ZZEF1: variants seen among roughly 807,000 people sequenced by gnomAD.
ZZEF1 encodes the protein zinc finger ZZ-type and EF-hand domain containing 1, also known as zinc finger ZZ-type and EF-hand domain-containing protein 1.
In ZZEF1, 157 loss-of-function variants were observed where a neutral mutation model predicts 342.8. That is an observed-to-expected ratio of 0.46 (90% CI 0.40 to 0.52). ZZEF1 has a LOEUF of 0.52. Ranked by LOEUF, ZZEF1 falls within the 20% of genes least tolerant of loss-of-function variation. ZZEF1 has a pLI of 0.00. For synonymous variants in ZZEF1, 1,505 were observed against 1,429.1 expected (o/e 1.05, Z -1.20); for missense variants, 3,480 against 3,725.6 (o/e 0.93, Z 1.72).
chr17:4,142,740 C>T lies in ZZEF1; in HGVS notation c.156G>A (p.Glu52=), dbSNP rs751858422. 37 of 1,517,110 alleles carry T rather than the reference C, an allele frequency of 2.4e-5. No homozygotes were observed. In the African/African-American group the frequency reaches 3.2e-4, roughly 13 times the overall value. 94.0% of individuals were successfully genotyped at this position (1,517,110 alleles called of 1,614,324 possible). A position where few individuals can be genotyped will look rare whatever the true frequency, so the allele number is the denominator to read the frequency against. Residue 52 remains glutamate (E), a synonymous_variant, in exon 1 of 55, where the codon GAG becomes GAA. Coordinates refer to ENST00000381638, the MANE Select transcript of ZZEF1 (RefSeq NM_015113.4). ...PALPPAAALL[E]PARLREAAAA... ...CAGCAGCCTCTCGCAGCCTGGCCGG[C>T]TCCAGCAGCGCCGCGGCGGGTGGTA... is the stretch of plus-strand genomic sequence containing the variant.
intron 1 of ZZEF1, among the ~76,000 whole-genome samples, chr17:4,138,035 G>A (rs1179202380): frequency 6.6e-6 from 1 of 152,174 alleles, no homozygotes; most frequent in African/African-American, 2.4e-5. Context: ...AACAAAGCAG[G>A]CATCCCACTA....
Position 4,008,964 on chromosome 17 carries a change from G to C in ZZEF1, c.8734-10C>G, listed in dbSNP as rs1279399342. 1.9e-6 allele frequency: 3 copies of C among 1,539,416 alleles called. No homozygotes were observed. In the East Asian group the frequency reaches 7.3e-5, roughly 38 times the overall value. ...GCAGCACGCCAAGCTCCTGCAGAGA[G>C]AGAGCAGGGGCTGTGAGTGACAGCG... is the stretch of plus-strand genomic sequence containing the variant. On this transcript the variant is annotated splice_polypyrimidine_tract_variant and intron_variant, in intron 53 of 54. Transcript: ENST00000381638. This position sits in a 1 kb window ranked among gnomAD's most constrained non-coding sequence, Gnocchi z 4.2.
chr17:4,097,503 A>G (rs1247776621), intron 9 of ZZEF1, among the ~76,000 whole-genome samples: 2 of 147,012 alleles, frequency 1.4e-5, no homozygotes, highest in African/African-American at 2.5e-5. Flanking sequence ...AAAAAAAAAG[A>G]ATCACTGGGT....
At chr17:4,049,614 C>T (rs543312509) in intron 37 of ZZEF1, 94 bp downstream of exon 37, 7 of 1,465,612 alleles carry the variant, frequency 4.8e-6, no homozygotes, top group Non-Finnish European at 6.5e-6. Context: ...GGTTAGGAGT[C>T]TGTGCTCTTA....
At position 4,066,652 on chromosome 17, in the gene ZZEF1, T is replaced by A. The variant is rs572612294; in HGVS notation, c.4156-112A>T. On this transcript the variant is annotated intron_variant, in intron 27 of 54. Coordinates refer to ENST00000381638, the MANE Select transcript of ZZEF1 (RefSeq NM_015113.4). ...ACTGACACCACAGAGTACTTCACAG[T>A]TGTATCATTTAGAGGGGTTTGTAAT... 1.2e-4 allele frequency: 108 copies of A among 889,618 alleles called. 1 individual carries two copies. In the South Asian group the frequency reaches 1.5e-3, roughly 12 times the overall value. The allele number at this position is 889,618 out of a possible 1,614,324, so 55.1% of individuals were successfully genotyped here.
At chr17:4,141,073 T>C (rs926375266) in intron 1 of ZZEF1, among the ~76,000 whole-genome samples, 2 of 152,058 alleles carry the variant, frequency 1.3e-5, no homozygotes, top group Non-Finnish European at 2.9e-5. Flanking sequence ...CATGCCCAGC[T>C]AATTTTTGTA....
intron 44 of ZZEF1, among the ~76,000 whole-genome samples, chr17:4,021,920 T>C (rs1483092593): frequency 1.3e-5 from 2 of 151,246 alleles, no homozygotes; most frequent in African/African-American, 4.8e-5. Flanking sequence ...GTTTGGAATA[T>C]AGAGTTTGGA....
In ZZEF1 at chr17:4,038,597, G is replaced by A. The variant is rs572186383; in HGVS notation, c.6306+3832C>T. The stretch of plus-strand genomic sequence containing the variant: ...AGGTGGGTGGATCACTGGAGGCCAG[G>A]AGTTCAAGACCAGCCTGGCCAACAT... On this transcript the variant is annotated intron_variant, in intron 39 of 54. Transcript: ENST00000381638. Among the ~76,000 whole-genome samples, 6 of 152,154 alleles carry A rather than the reference G, an allele frequency of 3.9e-5. No individual in the cohort carries two copies. In the South Asian group the frequency reaches 1.2e-3, roughly 32 times the overall value.
At chr17:4,047,376 G>T (rs960585350) in intron 37 of ZZEF1, among the ~76,000 whole-genome samples, 5 of 152,220 alleles carry the variant, frequency 3.3e-5, no homozygotes, top group Non-Finnish European at 7.3e-5. Flanking sequence ...CAGGCACAGT[G>T]GCTCAGGCCT....
At position 4,020,602 on chromosome 17, in the gene ZZEF1, G is replaced by A. The variant is rs1226189572; in HGVS notation, c.7404+527C>T. Reference sequence around the variant, plus strand: ...TCCTCCTGCCTCAGCCTCCCAAAGTGCTGGGATTACTAGTGTGAGCCACTG... The same window carrying A: ...TCCTCCTGCCTCAGCCTCCCAAAGTACTGGGATTACTAGTGTGAGCCACTG... On this transcript the variant is annotated intron_variant, in intron 45 of 54. Coordinates refer to ENST00000381638, the MANE Select transcript of ZZEF1 (RefSeq NM_015113.4). Among the ~76,000 whole-genome samples the A allele has an allele frequency of 2.0e-5, 3 of 152,344 alleles. No homozygotes were observed. The East Asian group carries it at 5.8e-4, about 29-fold the overall frequency.
chr17:4,072,792 T>C, intron 24 of ZZEF1, 36 bp from the exon 25 acceptor site: 2 of 1,554,078 alleles, frequency 1.3e-6, no homozygotes, highest in Non-Finnish European at 8.7e-7. Context: ...AGTTCTATTT[T>C]TGCCTTAATA....
chr17:4,095,906 G>A lies in ZZEF1; in HGVS notation c.1838C>T (p.Ala613Val), dbSNP rs759910798. Residue 613 changes from alanine (A) to valine (V), a missense_variant, in exon 11 of 55, where the codon GCG becomes GTG. Ala to Val is a moderately conservative substitution (Grantham distance 64, BLOSUM62 0). This residue lies in a region of ZZEF1 where 1,528 missense variants were observed against 1,624.1 expected (regional missense o/e 0.94). Coordinates refer to ENST00000381638, the MANE Select transcript of ZZEF1 (RefSeq NM_015113.4). ...AYNSSSDKFCAEEHFKRFEKY... is the reference protein window; with the variant it reads ...AYNSSSDKFCVEEHFKRFEKY... The stretch of plus-strand genomic sequence containing the variant: ...TTCAAACCTTTTGAAGTGTTCTTCC[G>A]CACAAAATTTATCTGAAGATGAGTT... 1.7e-4 allele frequency: 275 copies of A among 1,612,976 alleles called. 1 individual carries two copies. Among genetic ancestry groups the A allele is most frequent in the Non-Finnish European group, 2.2e-4 (263 of 1,179,484 alleles).
chr17:4,087,317 G>T (rs1046727214), intron 14 of ZZEF1, 117 bp downstream of exon 14: 2 of 690,432 alleles, frequency 2.9e-6, no homozygotes, highest in Non-Finnish European at 4.8e-6. Context: ...ATTTTAAATC[G>T]AACCATAAAC....
In ZZEF1 at chr17:4,064,819, GC is replaced by G; in HGVS notation, c.4259del (p.Cys1420SerfsTer9). 1 of 1,548,360 alleles carries G rather than the reference GC, an allele frequency of 6.5e-7. No individual in the cohort carries two copies. The highest frequency in any genetic ancestry group is 8.7e-7 in the Non-Finnish European group (1 of 1,145,604). ...TTAGTAATAGAAGACTCTTCTCAATGCACTCTTTTGCTAGATGCAAACAAGA... is the reference window on the plus strand; with the variant it reads ...TTAGTAATAGAAGACTCTTCTCAATGACTCTTTTGCTAGATGCAAACAAGA... Reference protein sequence around the residue: ...EVNPESLAKECIEKSLLLLKF... With the variant: ...EVNPESLAKEXIEKSLLLLKF... On this transcript the variant is annotated frameshift_variant, in exon 29 of 55. Transcript: ENST00000381638. LOFTEE classifies it high-confidence loss of function.
At chr17:4,041,482 C>T (rs748937341) in intron 39 of ZZEF1, among the ~76,000 whole-genome samples, 8 of 152,120 alleles carry the variant, frequency 5.3e-5, no homozygotes, top group Non-Finnish European at 1.2e-4. Flanking sequence ...CCCGCGGGCA[C>T]CGTCCCTTCC....
chr17:4,096,830 G>C (rs914891346), intron 9 of ZZEF1, 130 bp from the exon 10 acceptor site: 8 of 716,630 alleles, frequency 1.1e-5, no homozygotes, highest in African/African-American at 1.1e-4. Flanking sequence ...ACGAAAATTA[G>C]AGAAAAATGT....
At chr17:4,036,081 AAAAAAAAAAAAAAAGAGTC>A (rs1219953256) in intron 39 of ZZEF1, among the ~76,000 whole-genome samples, 1 of 150,314 alleles carries the variant, frequency 6.7e-6, no homozygotes, top group African/African-American at 2.4e-5. Context: ...GCCTGTCCAA[AAAAAAAAAAAAAAAGAGTC>A]GAAACAAGGA....
At chr17:4,122,381 C>CTT (rs778829771) in intron 2 of ZZEF1, among the ~76,000 whole-genome samples, 2 of 145,146 alleles carry the variant, frequency 1.4e-5, no homozygotes, top group South Asian at 2.2e-4. Flanking sequence ...CATGTCTTTT[C>CTT]TTTTTTTTTT....
intron 42 of ZZEF1, among the ~76,000 whole-genome samples, chr17:4,030,405 T>C (rs938856044): frequency 2.0e-5 from 3 of 152,220 alleles, no homozygotes; most frequent in Non-Finnish European, 4.4e-5. Flanking sequence ...AACGTAATGA[T>C]TTTTCAACCT....
Sources: gnomAD v4.1 joint callset for allele counts (sites outside exome capture counted in the v4.1 genomes callset) on GRCh38, gnomAD v4.1.1 for gene constraint, gnomAD v4.1.1 regional missense constraint, Gnocchi (gnomAD v3.1) non-coding constraint, MANE v1.5 for transcripts, NCBI Gene and HGNC (gene_info 2026-07-23, HGNC 2026-07-21) for gene names.